Variants in RPH3A observed in about 807,000 individuals in gnomAD.
The protein encoded by RPH3A is rabphilin-3A.
In RPH3A, 48 loss-of-function variants were observed where a neutral mutation model predicts 102.2. The ratio of observed to expected loss-of-function variants is 0.47; its 90% confidence interval spans 0.37 to 0.60. The LOEUF is 0.60. Ranked by LOEUF, RPH3A falls within the 20% of genes least tolerant of loss-of-function variation. The pLI is 0.00. For missense variants in RPH3A, 781 were observed against 910.1 expected, an observed-to-expected ratio of 0.86 and a Z score of 1.83; for synonymous variants, 310 against 324.3, an observed-to-expected ratio of 0.96 and a Z score of 0.47.
rs554859946 is a variant in RPH3A at position 112,881,850 on chromosome 12, C to T, written c.1326+4C>T. The T allele has an allele frequency of 1.7e-5, 28 of 1,610,372 alleles. No individual in the cohort carries two copies. The highest frequency in any genetic ancestry group is 4.0e-5 in the African/African-American group (3 of 74,802). On this transcript the variant is annotated splice_donor_region_variant and intron_variant, in intron 15 of 21. Transcript: ENST00000389385. Reference sequence around the variant, plus strand: ...CCTCCTGCCGGGAGCCAGCAAGGTACCATATGGCCTGGGCTTCTCTGCAAA... The same window carrying T: ...CCTCCTGCCGGGAGCCAGCAAGGTATCATATGGCCTGGGCTTCTCTGCAAA...
intron 1 of RPH3A, among the ~76,000 whole-genome samples, chr12:112,670,781 C>G (rs1246964658): frequency 6.6e-6 from 1 of 152,122 alleles, no homozygotes; most frequent in Non-Finnish European, 1.5e-5. Flanking sequence ...CAAGAGAGAA[C>G]AAAAGCACAC....
chr12:112,767,286 G>A (rs541423427), intron 1 of RPH3A, among the ~76,000 whole-genome samples: 4 of 152,216 alleles, frequency 2.6e-5, no homozygotes, highest in South Asian at 2.1e-4. Flanking sequence ...TCAGCTGTGG[G>A]GAGGGCAATG....
chr12:112,787,542 A>G (rs933968247), upstream of RPH3A, among the ~76,000 whole-genome samples: 1 of 152,216 alleles, frequency 6.6e-6, no homozygotes, highest in African/African-American at 2.4e-5. Context: ...GAGATAAAGC[A>G]TGGCACCTGG....
At chr12:112,594,186 G>C (rs2039498875) in intron 1 of RPH3A, among the ~76,000 whole-genome samples, 3 of 152,138 alleles carry the variant, frequency 2.0e-5, no homozygotes, top group Non-Finnish European at 4.4e-5. Context: ...TGTACAAAAA[G>C]GGTGCTTGAT....
At chr12:112,773,668 C>T (rs1404491013) in intron 1 of RPH3A, among the ~76,000 whole-genome samples, 3 of 146,482 alleles carry the variant, frequency 2.0e-5, no homozygotes, top group Non-Finnish European at 4.5e-5. Flanking sequence ...CTGGTGTTGG[C>T]GGATAGAATG....
chr12:112,828,344 G>A lies in RPH3A; in HGVS notation c.26G>A (p.Ser9Asn), dbSNP rs769629886. MTDTVFSNSSNRWMYPSDR... is the reference protein window; with the variant it reads MTDTVFSNNSNRWMYPSDR... ...ATGACTGACACCGTGTTCAGCAACAGTTCTAACCGTTGGATGTACCCCAGT... is the reference window on the plus strand; with the variant it reads ...ATGACTGACACCGTGTTCAGCAACAATTCTAACCGTTGGATGTACCCCAGT... The change falls in exon 3 of 22, where the codon AGT becomes AAT. Residue 9 changes from serine to asparagine, a missense_variant. Ser to Asn is a conservative substitution (Grantham distance 46). Transcript: ENST00000389385. The A allele has an allele frequency of 1.2e-6, 2 of 1,610,482 alleles. No homozygotes were observed. Among genetic ancestry groups the A allele is most frequent in the East Asian group, 2.2e-5 (1 of 44,626 alleles).
At chr12:112,596,468 A>G (rs1407829543) in intron 1 of RPH3A, among the ~76,000 whole-genome samples, 1 of 152,228 alleles carries the variant, frequency 6.6e-6, no homozygotes, top group East Asian at 1.9e-4. Context: ...ATTTATTCAA[A>G]CAACCATTAT....
chr12:112,617,852 A>G (rs958892995), intron 1 of RPH3A: 2 of 151,966 alleles, frequency 1.3e-5, no homozygotes, highest in Non-Finnish European at 2.9e-5. Flanking sequence ...GGTGCGTGCT[A>G]CCACACCCAG....
At chr12:112,640,854 GC>G (rs1272507398) in intron 1 of RPH3A, among the ~76,000 whole-genome samples, 17 of 151,954 alleles carry the variant, frequency 1.1e-4, no homozygotes, top group Non-Finnish European at 1.3e-4. Context: ...TCCTTTCTTT[GC>G]CAGCTCCCTT....
chr12:112,882,230 G>T (rs113907034), intron 15 of RPH3A, among the ~76,000 whole-genome samples: 35 of 152,260 alleles, frequency 2.3e-4, no homozygotes, highest in African/African-American at 8.4e-4. Context: ...GAAATGAGTG[G>T]CTCTCTCCAA....
chr12:112,641,886 T>C (rs897175617), intron 1 of RPH3A, among the ~76,000 whole-genome samples: 15 of 152,196 alleles, frequency 9.9e-5, no homozygotes, highest in African/African-American at 3.6e-4. Context: ...GCATTCTATA[T>C]TAATTATTGA....
intron 13 of RPH3A, among the ~76,000 whole-genome samples, chr12:112,877,417 T>TACACACAC (rs1491528958): frequency 3.0e-5 from 3 of 99,272 alleles, no homozygotes; most frequent in Non-Finnish European, 5.8e-5. Context: ...CACACACACG[T>TACACACAC]ATACACACAC....
chr12:112,653,405 C>A (rs2039990179), intron 1 of RPH3A, among the ~76,000 whole-genome samples: 2 of 149,700 alleles, frequency 1.3e-5, no homozygotes, highest in South Asian at 4.3e-4. Context: ...TTTAATTGTA[C>A]ACCTGTATAG....
intron 1 of RPH3A, among the ~76,000 whole-genome samples, chr12:112,675,778 T>G (rs2040170140): frequency 6.6e-6 from 1 of 152,082 alleles, no homozygotes; most frequent in African/African-American, 2.4e-5. Context: ...AATTGGATAT[T>G]TTCAGGGTCA....
intron 6 of RPH3A, 61 bp from the exon 7 acceptor site, chr12:112,866,696 C>A: frequency 7.2e-7 from 1 of 1,389,242 alleles, no homozygotes; most frequent in Non-Finnish European, 1.0e-6. Context: ...TGGGGGGCTA[C>A]GTTGCCATGC....
At chr12:112,662,998 G>C (rs1309456937) in intron 1 of RPH3A, among the ~76,000 whole-genome samples, 1 of 151,492 alleles carries the variant, frequency 6.6e-6, no homozygotes, top group Non-Finnish European at 1.5e-5. Flanking sequence ...TATGAACATG[G>C]AGCTGGAGGT....
intron 5 of RPH3A, among the ~76,000 whole-genome samples, chr12:112,859,694 C>T (rs1426777889): frequency 6.6e-6 from 1 of 152,202 alleles, no homozygotes; most frequent in African/African-American, 2.4e-5. Context: ...TGTCTCACCA[C>T]CTCCTTTCCT....
intron 1 of RPH3A, among the ~76,000 whole-genome samples, chr12:112,696,810 A>T (rs2040355705): frequency 6.6e-6 from 1 of 152,040 alleles, no homozygotes. Flanking sequence ...CTCCTACTCT[A>T]CCTCTTTCAG....
At chr12:112,648,475 C>G (rs867010386) in intron 1 of RPH3A, among the ~76,000 whole-genome samples, 1 of 147,896 alleles carries the variant, frequency 6.8e-6, no homozygotes, top group Non-Finnish European at 1.5e-5. Flanking sequence ...GCTCACTCTC[C>G]GGGAATCCCA....
Sources: gnomAD v4.1 joint callset for allele counts (sites outside exome capture counted in the v4.1 genomes callset) on GRCh38, gnomAD v4.1.1 for gene constraint, MANE v1.5 for transcripts, NCBI Gene and HGNC (gene_info 2026-07-23, HGNC 2026-07-21) for gene names.